FBXW8: variants seen among roughly 807,000 people sequenced by gnomAD.
FBXW8 encodes the protein F-box/WD repeat-containing protein 8.
Under a neutral mutation model 65.3 loss-of-function variants are expected in FBXW8, and 57 were observed. The observed-to-expected ratio is 0.87, with a 90% CI of 0.71 to 1.09. FBXW8 has a LOEUF of 1.09. Among genes scored for constraint, FBXW8 ranks in the 50% least tolerant of loss-of-function variants. The pLI, the probability that FBXW8 is intolerant of heterozygous loss-of-function variation, is 0.00. For synonymous variants in FBXW8, 308 were observed against 330.2 expected (o/e 0.93, Z 0.73); for missense variants, 777 against 814.8 (o/e 0.95, Z 0.57).
At chr12:117,012,329 C>CA (rs1052994758) in intron 8 of FBXW8, among the ~76,000 whole-genome samples, 49 of 152,144 alleles carry the variant, frequency 3.2e-4, no homozygotes, top group South Asian at 1.2e-3. Context: ...ATGAAAAGAA[C>CA]AGACTAGTGA....
chr12:117,028,217 G>C lies in FBXW8; in HGVS notation c.*45G>C, dbSNP rs1471895094. On this transcript the variant is annotated 3_prime_UTR_variant, in exon 11 of 11. Coordinates refer to ENST00000652555, the MANE Select transcript of FBXW8 (RefSeq NM_153348.3). This position sits in a 1 kb window ranked among gnomAD's most constrained non-coding sequence, Gnocchi z 4.1. ...GCAAGGAGAAAAATGGGAAGAACCA[G>C]TTTTATCCATCTTAAAACGCCAGGC... The C allele has an allele frequency of 1.9e-6, 3 of 1,606,084 alleles. No individual in the cohort carries two copies. Among genetic ancestry groups the C allele is most frequent in the Non-Finnish European group, 2.6e-6 (3 of 1,175,058 alleles).
At chr12:116,914,559 C>A (rs549355166) in intron 1 of FBXW8, among the ~76,000 whole-genome samples, 1 of 109,196 alleles carries the variant, frequency 9.2e-6, no homozygotes, top group Non-Finnish European at 1.8e-5. Flanking sequence ...GGTGACAGAG[C>A]GAAACCCTGT....
At chr12:116,966,953 A>G (rs975121856) in intron 5 of FBXW8, among the ~76,000 whole-genome samples, 3 of 152,174 alleles carry the variant, frequency 2.0e-5, no homozygotes, top group Non-Finnish European at 4.4e-5. Flanking sequence ...TTTCTTTGGT[A>G]AAATGCTTCG....
chr12:117,025,306 C>A (rs1171855956), intron 9 of FBXW8, among the ~76,000 whole-genome samples: 3 of 152,196 alleles, frequency 2.0e-5, no homozygotes, highest in African/African-American at 7.2e-5. Flanking sequence ...TGTACTCCAG[C>A]CTGGGTGACA....
At chr12:116,981,443 TTAAA>T (rs1397006874) in intron 5 of FBXW8, among the ~76,000 whole-genome samples, 1 of 152,234 alleles carries the variant, frequency 6.6e-6, no homozygotes, top group Non-Finnish European at 1.5e-5. Flanking sequence ...TTTTTATTAT[TTAAA>T]TATCTTTAAA....
intron 2 of FBXW8, among the ~76,000 whole-genome samples, chr12:116,931,818 C>T (rs1008599313): frequency 5.3e-5 from 8 of 151,764 alleles, no homozygotes; most frequent in African/African-American, 1.9e-4. Context: ...TTAACTTCCT[C>T]CTTTCTGCTT....
In FBXW8 at chr12:116,937,675, T is replaced by A. The variant is rs559672969; in HGVS notation, c.424-7689T>A. Among the ~76,000 whole-genome samples the A allele has an allele frequency of 9.5e-4, 145 of 152,048 alleles. 3 individuals carry two copies. In the South Asian group the frequency reaches 0.029, roughly 30 times the overall value. ...CAAAAGCTAGTGGCTCAGGAGCAAG[T>A]GGAGAGAGAGGAAACTGAGACAGTG... is the stretch of plus-strand genomic sequence containing the variant. On this transcript the variant is annotated intron_variant, in intron 2 of 10. Coordinates refer to ENST00000652555, the MANE Select transcript of FBXW8 (RefSeq NM_153348.3).
intron 1 of FBXW8, among the ~76,000 whole-genome samples, chr12:116,919,721 G>C (rs972686653): frequency 6.6e-6 from 1 of 152,178 alleles, no homozygotes; most frequent in African/African-American, 2.4e-5. Context: ...CAAAATTGCT[G>C]CTTCTGACTG....
intron 4 of FBXW8, among the ~76,000 whole-genome samples, chr12:116,952,645 A>G (rs891799675): frequency 6.6e-6 from 1 of 152,196 alleles, no homozygotes; most frequent in Non-Finnish European, 1.5e-5. Flanking sequence ...TTTGTTTTAT[A>G]TTATTATTTT....
rs146635166 is a variant in FBXW8 at position 116,998,906 on chromosome 12, C to T, written c.1239+10037C>T. Among the ~76,000 whole-genome samples the T allele has an allele frequency of 1.1e-4, 17 of 152,296 alleles. No individual in the cohort carries two copies. In the East Asian group the frequency reaches 2.1e-3, roughly 19 times the overall value. ...ATTTTACTGTTTTCAAAATACACATCGCAGCTTAGACTCACAAAATATTAC... is the reference window on the plus strand; with the variant it reads ...ATTTTACTGTTTTCAAAATACACATTGCAGCTTAGACTCACAAAATATTAC... On this transcript the variant is annotated intron_variant, in intron 7 of 10. Transcript: ENST00000652555.
intron 7 of FBXW8, among the ~76,000 whole-genome samples, chr12:116,996,622 T>C (rs985152731): frequency 3.9e-5 from 6 of 152,186 alleles, no homozygotes; most frequent in Admixed American, 2.6e-4. Context: ...GTTCACAAAG[T>C]AAATGTCTAA....
At chr12:116,964,980 C>G in intron 5 of FBXW8, 126 bp downstream of exon 5, 1 of 886,568 alleles carries the variant, frequency 1.1e-6, no homozygotes, top group Non-Finnish European at 1.7e-6. Context: ...CATGTTCACA[C>G]ACATACACTC....
Position 117,028,947 on chromosome 12 carries a change from A to G in FBXW8, c.*775A>G, listed in dbSNP as rs1244336440. The G allele has an allele frequency of 6.6e-6, 1 of 152,220 alleles. No homozygotes were observed. Among genetic ancestry groups the G allele is most frequent in the African/African-American group, 2.4e-5 (1 of 41,462 alleles). The allele number at this position is 152,220 out of a possible 1,614,324, so 9.4% of individuals were successfully genotyped here. A position where few individuals can be genotyped will look rare whatever the true frequency, so the allele number is the denominator to read the frequency against. ...GCCATTGCCTTACTCTTGATTTTCA[A>G]CAGTTCTAAACAGCAACAGCATCCA... is the stretch of plus-strand genomic sequence containing the variant. On this transcript the variant is annotated 3_prime_UTR_variant, in exon 11 of 11. Transcript: ENST00000652555. The surrounding 1 kb of genome is among the most constrained non-coding windows in gnomAD (Gnocchi z 4.1).
chr12:116,942,375 T>G (rs1192442422), intron 2 of FBXW8, among the ~76,000 whole-genome samples: 6 of 11,032 alleles, frequency 5.4e-4, no homozygotes, highest in African/African-American at 7.1e-4. Flanking sequence ...AGTTTCCTGA[T>G]TTTTTTTTTT....
intron 5 of FBXW8, among the ~76,000 whole-genome samples, chr12:116,966,825 C>CTT (rs1190601773): frequency 6.6e-6 from 1 of 151,994 alleles, no homozygotes; most frequent in African/African-American, 2.4e-5. Context: ...AGTGATTCTC[C>CTT]TTCCTGCCTC....
chr12:116,985,456 A>G (rs1205190239), intron 6 of FBXW8, 54 bp downstream of exon 6: 4 of 1,564,832 alleles, frequency 2.6e-6, no homozygotes, highest in Non-Finnish European at 3.5e-6. Context: ...CTCTGGGTCT[A>G]ATGTAAGCAC....
At chr12:116,914,843 C>A (rs1257875391) in intron 1 of FBXW8, among the ~76,000 whole-genome samples, 1 of 152,030 alleles carries the variant, frequency 6.6e-6, no homozygotes, top group Admixed American at 6.5e-5. Flanking sequence ...CCATTGCACT[C>A]CAGTCTGGGC....
Position 116,928,003 on chromosome 12 carries a change from T to C in FBXW8, c.319-20T>C. On this transcript the variant is annotated intron_variant, in intron 1 of 10. Coordinates refer to ENST00000652555, the MANE Select transcript of FBXW8 (RefSeq NM_153348.3). ...CATATCTAAAAATTATAAACTTCTT[T>C]CTTTTTTTTTTCCCCTCAGAATGAA... The C allele has an allele frequency of 6.9e-7, 1 of 1,450,402 alleles. No individual in the cohort carries two copies. Among genetic ancestry groups the C allele is most frequent in the Non-Finnish European group, 9.5e-7 (1 of 1,055,158 alleles). The allele number at this position is 1,450,402 out of a possible 1,614,324, so 89.8% of individuals were successfully genotyped here. A position where few individuals can be genotyped will look rare whatever the true frequency, so the allele number is the denominator to read the frequency against.
chr12:117,014,053 CAATAATGT>C (rs1486500618), intron 8 of FBXW8, among the ~76,000 whole-genome samples: 1 of 152,146 alleles, frequency 6.6e-6, no homozygotes, highest in Non-Finnish European at 1.5e-5. Flanking sequence ...CCAGTAACCT[CAATAATGT>C]AAATATTAAA....
Sources: gnomAD v4.1 joint callset for allele counts (sites outside exome capture counted in the v4.1 genomes callset) on GRCh38, gnomAD v4.1.1 for gene constraint, Gnocchi (gnomAD v3.1) non-coding constraint, MANE v1.5 for transcripts, NCBI Gene and HGNC (gene_info 2026-07-23, HGNC 2026-07-21) for gene names.